LEKR1: variants seen among roughly 807,000 people sequenced by gnomAD.
LEKR1 encodes the protein protein LEKR1.
In LEKR1, 59 loss-of-function variants were observed where a neutral mutation model predicts 72.4. That is an observed-to-expected ratio of 0.82 (90% confidence interval 0.66 to 1.01). The LOEUF is 1.01. Among genes scored for constraint, LEKR1 ranks in the 50% least tolerant of loss-of-function variants. The pLI, the probability that LEKR1 is intolerant of heterozygous loss-of-function variation, is 0.00. For missense variants in LEKR1, 728 were observed against 759.2 expected, an observed-to-expected ratio of 0.96 and a Z score of 0.48; for synonymous variants, 257 against 263.2, an observed-to-expected ratio of 0.98 and a Z score of 0.23.
intron 10 of LEKR1, among the ~76,000 whole-genome samples, chr3:157,017,957 A>AG (rs1560149905): frequency 1.9e-4 from 21 of 107,750 alleles, no homozygotes; most frequent in African/African-American, 5.7e-4. Flanking sequence ...TCAAAAAAAA[A>AG]AAAAAAAAAA....
intron 6 of LEKR1, among the ~76,000 whole-genome samples, chr3:156,960,213 G>A (rs546041885): frequency 1.3e-5 from 2 of 152,210 alleles, no homozygotes; most frequent in Middle Eastern, 3.4e-3. Context: ...TTCACATTTT[G>A]TTACTTGTTT....
intron 12 of LEKR1, among the ~76,000 whole-genome samples, chr3:157,038,902 TTCAG>T (rs1288604018): frequency 6.6e-6 from 1 of 152,234 alleles, no homozygotes; most frequent in Non-Finnish European, 1.5e-5. Context: ...CTCCTATCAG[TTCAG>T]TCAGATTTTA....
intron 3 of LEKR1, among the ~76,000 whole-genome samples, chr3:156,881,525 T>C (rs1719340683): frequency 6.6e-6 from 1 of 151,176 alleles, no homozygotes; most frequent in Non-Finnish European, 1.5e-5. Context: ...GGAAGAACAT[T>C]CCATGCTCAT....
intron 3 of LEKR1, among the ~76,000 whole-genome samples, chr3:156,875,162 G>A (rs958530132): frequency 2.6e-5 from 4 of 152,140 alleles, no homozygotes; most frequent in African/African-American, 9.7e-5. Context: ...GTGTAAAAGT[G>A]ATCCTTTTCA....
At chr3:157,020,418 TCCCTCCC>T (rs1256551233) in intron 10 of LEKR1, among the ~76,000 whole-genome samples, 1 of 96,240 alleles carries the variant, frequency 1.0e-5, no homozygotes, top group Non-Finnish European at 2.1e-5. Context: ...CCTAATGCTA[TCCCTCCC>T]CCCTCCCCCC....
At chr3:157,019,386 A>G (rs1287060836) in intron 10 of LEKR1, among the ~76,000 whole-genome samples, 1 of 152,220 alleles carries the variant, frequency 6.6e-6, no homozygotes, top group Non-Finnish European at 1.5e-5. Flanking sequence ...AACAACAAAT[A>G]CAAAAGAAAT....
At chr3:156,853,123 A>G in intron 3 of LEKR1, 141 bp downstream of exon 3, 1 of 395,568 alleles carries the variant, frequency 2.5e-6, no homozygotes, top group Non-Finnish European at 4.4e-6. Flanking sequence ...AATTATATTA[A>G]TAATTACTAA....
Position 156,838,932 on chromosome 3 carries a change from C to T in LEKR1, c.48+9555C>T, listed in dbSNP as rs1308998104. On this transcript the variant is annotated intron_variant, in intron 2 of 12. Coordinates refer to ENST00000356539, the MANE Select transcript of LEKR1 (RefSeq NM_001004316.3). ...CAGTAGAGAAAGAGTTTAATGGAAA[C>T]GAGGATGGCCATGCCACAGAGGAGA... 3.9e-5 allele frequency among the ~76,000 whole-genome samples: 6 copies of T among 152,060 alleles called. No homozygotes were observed. In the East Asian group the frequency reaches 5.8e-4, roughly 15 times the overall value.
At chr3:157,006,216 AG>A (rs201518794) in intron 9 of LEKR1, among the ~76,000 whole-genome samples, 13,380 of 151,614 alleles carry the variant, frequency 0.088, 645 homozygotes, top group African/African-American at 0.12. Flanking sequence ...CTTGTTAGCC[AG>A]GATGGTCTCG....
chr3:156,882,212 G>A (rs1719460027), intron 3 of LEKR1, among the ~76,000 whole-genome samples: 1 of 151,896 alleles, frequency 6.6e-6, no homozygotes, highest in Non-Finnish European at 1.5e-5. Context: ...GAGTGAACAG[G>A]CAACCTACAA....
At position 157,045,843 on chromosome 3, in the gene LEKR1, T is replaced by TTAGTGACGCTAACC; in HGVS notation, c.*95_*96insGTGACGCTAACCTA. ...GTAACTGAGAATGACAATGATAAAA[T>TTAGTGACGCTAACC]TATTTTCACAGATCAGGAAGGCATA... On this transcript the variant is annotated 3_prime_UTR_variant, in exon 13 of 13. Transcript: ENST00000356539. The TTAGTGACGCTAACC allele has an allele frequency of 8.5e-7, 1 of 1,181,818 alleles. No individual in the cohort carries two copies. The highest frequency in any genetic ancestry group is 2.4e-5 in the East Asian group (1 of 41,936). The allele number at this position is 1,181,818 out of a possible 1,614,324, so 73.2% of individuals were successfully genotyped here.
chr3:156,996,786 C>T (rs889074593), intron 9 of LEKR1, among the ~76,000 whole-genome samples: 3 of 152,110 alleles, frequency 2.0e-5, no homozygotes, highest in East Asian at 1.9e-4. Flanking sequence ...TCTTCTCATT[C>T]GGGCATGGTG....
At chr3:156,973,072 A>C (rs1330574980) in intron 6 of LEKR1, among the ~76,000 whole-genome samples, 1 of 152,106 alleles carries the variant, frequency 6.6e-6, no homozygotes, top group Non-Finnish European at 1.5e-5. Flanking sequence ...ATCAATGAAA[A>C]CTGCAGAACT....
intron 3 of LEKR1, among the ~76,000 whole-genome samples, chr3:156,881,888 C>G (rs1419582263): frequency 4.3e-4 from 63 of 145,568 alleles, no homozygotes; most frequent in Non-Finnish European, 5.0e-4. Context: ...CTGACAAAAA[C>G]AAGCAATGGG....
At chr3:156,972,805 G>GA (rs1729352286) in intron 6 of LEKR1, among the ~76,000 whole-genome samples, 2 of 151,290 alleles carry the variant, frequency 1.3e-5, no homozygotes, top group African/African-American at 4.8e-5. Context: ...TTAAAATAGT[G>GA]AAAAAATAAG....
chr3:157,007,133 C>T (rs1181689983), intron 9 of LEKR1, among the ~76,000 whole-genome samples: 2 of 152,032 alleles, frequency 1.3e-5, no homozygotes, highest in Non-Finnish European at 2.9e-5. Context: ...ACCCGGGAGG[C>T]GGAGCTTGCA....
At chr3:156,926,586 C>T (rs540281136) in intron 4 of LEKR1, among the ~76,000 whole-genome samples, 2 of 152,078 alleles carry the variant, frequency 1.3e-5, no homozygotes, top group Admixed American at 6.6e-5. Context: ...TAGTTTCAGT[C>T]CCTTAAATGT....
At chr3:157,015,429 C>G (rs2321458) in intron 10 of LEKR1, among the ~76,000 whole-genome samples, 1 of 152,056 alleles carries the variant, frequency 6.6e-6, no homozygotes, top group Non-Finnish European at 1.5e-5. Context: ...ACTGGTAAAC[C>G]TGTAATTTAT....
intron 6 of LEKR1, among the ~76,000 whole-genome samples, chr3:156,965,748 C>G (rs1728505497): frequency 6.6e-6 from 1 of 152,006 alleles, no homozygotes; most frequent in South Asian, 2.1e-4. Flanking sequence ...GCTGTATTAC[C>G]ATTTGAGTTT....
Sources: gnomAD v4.1 joint callset for allele counts (sites outside exome capture counted in the v4.1 genomes callset) on GRCh38, gnomAD v4.1.1 for gene constraint, MANE v1.5 for transcripts, NCBI Gene and HGNC (gene_info 2026-07-23, HGNC 2026-07-21) for gene names.